Variants in KCNH7 observed in about 807,000 individuals in gnomAD.
KCNH7 encodes the protein potassium voltage-gated channel subfamily H member 7.
A neutral mutation model predicts 120.8 loss-of-function variants in KCNH7; 49 were observed. The ratio of observed to expected loss-of-function variants is 0.41; its 90% CI spans 0.32 to 0.51. KCNH7 has a LOEUF of 0.51. Among genes scored for constraint, KCNH7 ranks in the 20% least tolerant of loss-of-function variants. The probability of loss-of-function intolerance (pLI) is 0.38; values close to 1 mark genes in which losing one functional copy is unlikely to be tolerated. For missense variants in KCNH7, 1,097 were observed against 1,446.6 expected, an observed-to-expected ratio of 0.76 and a Z score of 3.92; for synonymous variants, 547 against 516.1, an observed-to-expected ratio of 1.06 and a Z score of -0.81.
At chr2:162,647,696 C>T (rs1684416513) in intron 2 of KCNH7, among the ~76,000 whole-genome samples, 1 of 152,164 alleles carries the variant, frequency 6.6e-6, no homozygotes, top group African/African-American at 2.4e-5. Flanking sequence ...CATTTGCCTT[C>T]CACCATGATT....
chr2:162,823,221 C>T (rs1429247782), intron 2 of KCNH7, among the ~76,000 whole-genome samples: 2 of 114,740 alleles, frequency 1.7e-5, no homozygotes, highest in East Asian at 2.5e-4. Context: ...TCTATGTCTT[C>T]GGATATGCTA....
intron 2 of KCNH7, among the ~76,000 whole-genome samples, chr2:162,615,875 A>G (rs1683124568): frequency 6.6e-6 from 1 of 152,206 alleles, no homozygotes; most frequent in Admixed American, 6.5e-5. Flanking sequence ...TACACTGGCA[A>G]GAGAAGTACA....
At chr2:162,770,407 T>C (rs1683000847) in intron 2 of KCNH7, among the ~76,000 whole-genome samples, 3 of 151,724 alleles carry the variant, frequency 2.0e-5, no homozygotes, top group Non-Finnish European at 4.4e-5. Flanking sequence ...CTTATTTCAG[T>C]TAACTATAAA....
At chr2:162,424,359 A>C (rs1214143496) in intron 8 of KCNH7, among the ~76,000 whole-genome samples, 9 of 152,306 alleles carry the variant, frequency 5.9e-5, no homozygotes, top group Admixed American at 6.5e-5. Context: ...CTCTTTAAGC[A>C]CTTTCTCTCT....
At chr2:162,708,444 T>C (rs1686795124) in intron 2 of KCNH7, among the ~76,000 whole-genome samples, 1 of 152,036 alleles carries the variant, frequency 6.6e-6, no homozygotes, top group Admixed American at 6.6e-5. Context: ...GACACAGGCC[T>C]AGAGGTATAA....
At chr2:162,572,914 G>A (rs979430606) in intron 2 of KCNH7, among the ~76,000 whole-genome samples, 23 of 152,048 alleles carry the variant, frequency 1.5e-4, no homozygotes, top group African/African-American at 3.4e-4. Flanking sequence ...GGAGAAGGGC[G>A]GAGGGATAGC....
intron 3 of KCNH7, among the ~76,000 whole-genome samples, chr2:162,527,244 C>T (rs998915440): frequency 8.6e-5 from 13 of 151,908 alleles, no homozygotes; most frequent in African/African-American, 2.7e-4. Flanking sequence ...AAAGAGGAAA[C>T]TTCCAAATAC....
intron 12 of KCNH7, among the ~76,000 whole-genome samples, chr2:162,390,808 T>C (rs750187105): frequency 2.6e-4 from 39 of 152,092 alleles, no homozygotes; most frequent in Non-Finnish European, 4.9e-4. Context: ...AGAAAAAAAA[T>C]GTATAGCTCA....
At chr2:162,524,914 T>C (rs1691647683) in intron 3 of KCNH7, among the ~76,000 whole-genome samples, 1 of 151,896 alleles carries the variant, frequency 6.6e-6, no homozygotes. Context: ...CAAAGAATGA[T>C]GTAGATAGCA....
intron 2 of KCNH7, among the ~76,000 whole-genome samples, chr2:162,672,246 G>C (rs1685385542): frequency 6.6e-6 from 1 of 151,984 alleles, no homozygotes; most frequent in Non-Finnish European, 1.5e-5. Context: ...ACAAAAGGTG[G>C]CTAAATAATA....
intron 9 of KCNH7, among the ~76,000 whole-genome samples, chr2:162,405,434 C>T (rs75570273): frequency 0.019 from 2,943 of 151,858 alleles, 101 homozygotes; most frequent in African/African-American, 0.068. Flanking sequence ...AGATATCACA[C>T]AAAACAAAGA....
At chr2:162,770,498 A>G (rs1256960819) in intron 2 of KCNH7, among the ~76,000 whole-genome samples, 2 of 152,006 alleles carry the variant, frequency 1.3e-5, no homozygotes, top group Admixed American at 6.6e-5. Context: ...GCTTTGGGTC[A>G]AACGTCTAAC....
intron 9 of KCNH7, among the ~76,000 whole-genome samples, chr2:162,413,393 C>T (rs747274865): frequency 2.6e-5 from 4 of 152,108 alleles, no homozygotes; most frequent in Non-Finnish European, 5.9e-5. Context: ...TCCCAAAGTG[C>T]TGGAATTACA....
At chr2:162,372,535 CA>C (rs1685993642) in intron 15 of KCNH7, among the ~76,000 whole-genome samples, 2 of 152,140 alleles carry the variant, frequency 1.3e-5, no homozygotes, top group South Asian at 4.1e-4. Flanking sequence ...AAACAAAGAA[CA>C]AAATAGATGG....
chr2:162,804,850 T>C (rs1373551785), intron 2 of KCNH7, among the ~76,000 whole-genome samples: 1 of 151,122 alleles, frequency 6.6e-6, no homozygotes, highest in Non-Finnish European at 1.5e-5. Flanking sequence ...GACTTCAAGT[T>C]ATACTACAAG....
chr2:162,800,437 C>A (rs1407979966), intron 2 of KCNH7, among the ~76,000 whole-genome samples: 1 of 151,502 alleles, frequency 6.6e-6, no homozygotes, highest in South Asian at 2.1e-4. Flanking sequence ...CTATTATCAC[C>A]TATGGTAATT....
intron 2 of KCNH7, among the ~76,000 whole-genome samples, chr2:162,639,871 T>A (rs1010508113): frequency 6.6e-6 from 1 of 152,018 alleles, no homozygotes; most frequent in Non-Finnish European, 1.5e-5. Flanking sequence ...ATGAGTTCAG[T>A]AAGGGCACAG....
chr2:162,665,966 A>C (rs1219930598), intron 2 of KCNH7, among the ~76,000 whole-genome samples: 1 of 152,170 alleles, frequency 6.6e-6, no homozygotes, highest in Admixed American at 6.5e-5. Flanking sequence ...CACATATAAC[A>C]CTGATAGCGA....
At chr2:162,569,264 G>A (rs1334537732) in intron 2 of KCNH7, among the ~76,000 whole-genome samples, 2 of 151,950 alleles carry the variant, frequency 1.3e-5, no homozygotes, top group Non-Finnish European at 2.9e-5. Context: ...TTGGGAGAGT[G>A]TATGTGTGGA....
Sources: gnomAD v4.1 joint callset for allele counts (sites outside exome capture counted in the v4.1 genomes callset) on GRCh38, gnomAD v4.1.1 for gene constraint, MANE v1.5 for transcripts, NCBI Gene and HGNC (gene_info 2026-07-23, HGNC 2026-07-21) for gene names.